UBXN8: variants seen among roughly 807,000 people sequenced by gnomAD.
The protein encoded by UBXN8 is UBX domain-containing protein 8.
Under a neutral mutation model 32.1 loss-of-function variants are expected in UBXN8, and 27 were observed. The observed-to-expected ratio is 0.84, with a 90% CI of 0.62 to 1.16. The LOEUF is 1.16. Among genes scored for constraint, UBXN8 ranks in the 50% most tolerant of loss-of-function variants. The probability of loss-of-function intolerance (pLI) is 0.00; values close to 1 mark genes in which losing one functional copy is unlikely to be tolerated. For synonymous variants in UBXN8, 109 were observed against 111.8 expected (o/e 0.98, Z 0.16); for missense variants, 306 against 311.4 (o/e 0.98, Z 0.13).
At chr8:30,734,210 G>A (rs1055190173) in intron 1 of UBXN8, 31 of 152,250 alleles carry the variant, frequency 2.0e-4, no homozygotes, top group Admixed American at 1.5e-3. Flanking sequence ...CAATTAGAAT[G>A]GGATCCAATT....
chr8:30,744,407 C>G, intron 1 of UBXN8, 130 bp downstream of exon 1: 1 of 842,326 alleles, frequency 1.2e-6, no homozygotes, highest in South Asian at 1.6e-5. Context: ...CTGCATCGCC[C>G]CTGCCCCCCC....
chr8:30,746,342 A>G (rs923757638), intron 1 of UBXN8, among the ~76,000 whole-genome samples: 2 of 151,878 alleles, frequency 1.3e-5, no homozygotes, highest in African/African-American at 4.8e-5. Context: ...GTGAGCTTCC[A>G]ATAATTATTT....
chr8:30,747,745 C>T (rs1206230287), intron 1 of UBXN8, among the ~76,000 whole-genome samples: 3 of 134,614 alleles, frequency 2.2e-5, no homozygotes, highest in Admixed American at 7.4e-5. Context: ...TTGGAGGAGC[C>T]GTGATTTTTT....
intron 1 of UBXN8, among the ~76,000 whole-genome samples, chr8:30,744,963 T>C (rs2128752981): frequency 6.6e-6 from 1 of 152,342 alleles, no homozygotes; most frequent in South Asian, 2.1e-4. Context: ...TGCTGGTTAT[T>C]ATCTCATTTA....
At chr8:30,754,902 G>T in intron 4 of UBXN8, 115 bp downstream of exon 4, 2 of 1,247,222 alleles carry the variant, frequency 1.6e-6, no homozygotes, top group Admixed American at 3.9e-5. Flanking sequence ...TATTGATAAT[G>T]ATTATCAGTT....
At chr8:30,729,310 G>T (rs1352161020), upstream of UBXN8, among the ~76,000 whole-genome samples, 1 of 152,254 alleles carries the variant, frequency 6.6e-6, no homozygotes, top group Non-Finnish European at 1.5e-5. Context: ...ACACCGGGAA[G>T]GAACAGGCAC....
upstream of UBXN8, among the ~76,000 whole-genome samples, chr8:30,739,310 C>T (rs1430032815): frequency 2.0e-5 from 3 of 150,906 alleles, no homozygotes; most frequent in South Asian, 2.2e-4. Context: ...TTTGGGAGGC[C>T]GAGGCGGGTG....
At chr8:30,765,716 G>A (rs1024892038) in intron 7 of UBXN8, among the ~76,000 whole-genome samples, 6 of 151,792 alleles carry the variant, frequency 4.0e-5, no homozygotes, top group African/African-American at 1.2e-4. Flanking sequence ...ACCACGCCTG[G>A]CTAATTTTTG....
At chr8:30,754,434 C>G (rs569849211) in intron 3 of UBXN8, 49 of 615,328 alleles carry the variant, frequency 8.0e-5, no homozygotes, top group South Asian at 7.1e-4. Flanking sequence ...ATGAAAACCA[C>G]AACCTGGTTG....
chr8:30,741,815 T>C (rs995307877), upstream of UBXN8, among the ~76,000 whole-genome samples: 2 of 152,148 alleles, frequency 1.3e-5, no homozygotes, highest in Non-Finnish European at 2.9e-5. Flanking sequence ...TCTGGTGGTC[T>C]TTGGTGGGGA....
At chr8:30,733,504 G>A (rs779132512) in intron 1 of UBXN8, among the ~76,000 whole-genome samples, 1 of 152,176 alleles carries the variant, frequency 6.6e-6, no homozygotes, top group East Asian at 1.9e-4. Flanking sequence ...GGACACCAGC[G>A]AGCTTCCACC....
chr8:30,753,225 T>A, intron 3 of UBXN8, 120 bp downstream of exon 3: 1,650 of 958,338 alleles, frequency 1.7e-3, no homozygotes, highest in Non-Finnish European at 2.1e-3. Flanking sequence ...TATAATGAGG[T>A]CAAATTCACG....
In UBXN8 at chr8:30,757,413, G is replaced by A. The variant is rs184839164; in HGVS notation, c.528+526G>A. ...AAAAATACAAAAAAATTAGCTGGGC[G>A]TGGTGGCAGGCACCTGTAATCCCAG... is the stretch of plus-strand genomic sequence containing the variant. On this transcript the variant is annotated intron_variant, in intron 5 of 7. Coordinates refer to ENST00000265616, the MANE Select transcript of UBXN8 (RefSeq NM_005671.4). Among the ~76,000 whole-genome samples the A allele has an allele frequency of 6.9e-4, 105 of 151,610 alleles. 1 individual carries two copies. In the East Asian group the frequency reaches 0.018, roughly 26 times the overall value.
rs1471328635 is a variant in UBXN8 at position 30,766,441 on chromosome 8, A to G, written c.*47A>G. 1 of 1,480,580 alleles carries G rather than the reference A, an allele frequency of 6.8e-7. No individual in the cohort carries two copies. Among genetic ancestry groups the G allele is most frequent in the Non-Finnish European group, 9.0e-7 (1 of 1,108,398 alleles). The allele number at this position is 1,480,580 out of a possible 1,614,324, so 91.7% of individuals were successfully genotyped here. On this transcript the variant is annotated 3_prime_UTR_variant, in exon 8 of 8. Transcript: ENST00000265616. ...TTTGCATGAAGTCAGTTATGCTATG[A>G]CCTTCTGGCACAATAAAGGCTTCAC...
chr8:30,758,051 C>G (rs546984969), intron 5 of UBXN8, among the ~76,000 whole-genome samples: 2 of 151,502 alleles, frequency 1.3e-5, no homozygotes, highest in Non-Finnish European at 2.9e-5. Flanking sequence ...GCCCACCACC[C>G]CACCCAGCTA....
chr8:30,739,900 T>G (rs935210344), upstream of UBXN8, among the ~76,000 whole-genome samples: 2 of 150,424 alleles, frequency 1.3e-5, no homozygotes, highest in African/African-American at 4.9e-5. Flanking sequence ...CTCTGTGCAA[T>G]GCTTTTTGCT....
chr8:30,733,260 C>G (rs1033516957), exon 1 of UBXN8: 8 of 152,238 alleles, frequency 5.3e-5, no homozygotes, highest in African/African-American at 1.9e-4. Flanking sequence ...CACTTCAGCT[C>G]AGAAAGCTGA....
rs772695102 is a variant in UBXN8, at chr8:30,763,278, T to TC, written c.576_577insC (p.Thr193HisfsTer27). 9.9e-6 allele frequency: 16 copies of TC among 1,613,738 alleles called. No homozygotes were observed. Among genetic ancestry groups the TC allele is most frequent in the Non-Finnish European group, 1.4e-5 (16 of 1,179,740 alleles). ...TGTGAATATTTCTTCCTTAGGTAGT[T>TC]ACTGTTGCTCTCCGATGTCCCAGTG... On this transcript the variant is annotated frameshift_variant, in exon 7 of 8. Transcript: ENST00000265616. LOFTEE classifies it high-confidence loss of function.
At chr8:30,745,384 A>T (rs959539071) in intron 1 of UBXN8, among the ~76,000 whole-genome samples, 2 of 152,116 alleles carry the variant, frequency 1.3e-5, no homozygotes, top group Admixed American at 6.6e-5. Flanking sequence ...AACTGTGGAG[A>T]TGCTGAGAAT....
Sources: gnomAD v4.1 joint callset for allele counts (sites outside exome capture counted in the v4.1 genomes callset) on GRCh38, gnomAD v4.1.1 for gene constraint, MANE v1.5 for transcripts, NCBI Gene and HGNC (gene_info 2026-07-23, HGNC 2026-07-21) for gene names.